The following FAM169A variants were observed in gnomAD, a reference collection of about 807,000 sequenced individuals.
The protein encoded by FAM169A is soluble lamin-associated protein of 75 kDa.
A neutral mutation model predicts 75.7 loss-of-function variants in FAM169A; 24 were observed. The observed-to-expected ratio is 0.32, with a 90% CI of 0.23 to 0.45. The LOEUF (loss-of-function observed/expected upper bound fraction) is 0.45. FAM169A is among the 20% of genes least tolerant of loss of function. The probability of loss-of-function intolerance (pLI) is 1.00; values close to 1 mark genes in which losing one functional copy is unlikely to be tolerated. For missense variants in FAM169A, 673 were observed against 784.0 expected (o/e 0.86, Z 1.69); for synonymous variants, 271 against 271.0 (o/e 1.00, Z 0.00).
At chr5:74,864,420 G>T (rs1263311630) in intron 1 of FAM169A, among the ~76,000 whole-genome samples, 1 of 152,170 alleles carries the variant, frequency 6.6e-6, no homozygotes, top group East Asian at 1.9e-4. Flanking sequence ...AGTAGAGACG[G>T]GGTTTCACCA....
chr5:74,844,861 C>T (rs1232247147), intron 1 of FAM169A, among the ~76,000 whole-genome samples: 1 of 152,108 alleles, frequency 6.6e-6, no homozygotes, highest in Non-Finnish European at 1.5e-5. Context: ...AAATCAAATA[C>T]TAAGCTATTA....
intron 1 of FAM169A, among the ~76,000 whole-genome samples, chr5:74,861,872 C>A (rs1750054614): frequency 6.6e-6 from 1 of 152,158 alleles, no homozygotes; most frequent in Non-Finnish European, 1.5e-5. Context: ...TATACTACTT[C>A]TAGTCATTTC....
intron 5 of FAM169A, among the ~76,000 whole-genome samples, chr5:74,833,191 C>T (rs1748406183): frequency 6.6e-6 from 1 of 152,076 alleles, no homozygotes. Context: ...GTATTAGAAA[C>T]AAAAAGCCTC....
At chr5:74,790,672 TC>T (rs1745928991) in intron 11 of FAM169A, among the ~76,000 whole-genome samples, 1 of 152,252 alleles carries the variant, frequency 6.6e-6, no homozygotes, top group African/African-American at 2.4e-5. Context: ...ACCCAATGGG[TC>T]CATGAACAAA....
intron 5 of FAM169A, among the ~76,000 whole-genome samples, chr5:74,817,029 T>C (rs1747505976): frequency 6.6e-6 from 1 of 152,086 alleles, no homozygotes; most frequent in South Asian, 2.1e-4. Context: ...CAACCTTTCA[T>C]GATAAAAATA....
intron 11 of FAM169A, among the ~76,000 whole-genome samples, chr5:74,786,327 G>A (rs1040631589): frequency 1.7e-4 from 26 of 152,096 alleles, no homozygotes; most frequent in Non-Finnish European, 8.8e-5. Flanking sequence ...TTGGTACCAG[G>A]AGTGGTTCTA....
At chr5:74,830,802 A>G (rs538314583) in intron 5 of FAM169A, among the ~76,000 whole-genome samples, 26 of 152,312 alleles carry the variant, frequency 1.7e-4, no homozygotes, top group Admixed American at 5.9e-4. Context: ...TCATAAAAGC[A>G]TTTGACCCAA....
At chr5:74,866,079 G>T in intron 1 of FAM169A, 86 bp downstream of exon 1, 1 of 682,086 alleles carries the variant, frequency 1.5e-6, no homozygotes, top group Non-Finnish European at 1.8e-6. Context: ...GTGTCCGCGG[G>T]TCTGGTGCTG....
chr5:74,830,071 G>A (rs181903225), intron 5 of FAM169A, among the ~76,000 whole-genome samples: 82 of 152,268 alleles, frequency 5.4e-4, no homozygotes, highest in African/African-American at 1.9e-3. Flanking sequence ...AGTAATTACT[G>A]TATCAACTTT....
In FAM169A at chr5:74,839,660, G is replaced by A. The variant is rs539829269; in HGVS notation, c.232+414C>T. On this transcript the variant is annotated intron_variant, in intron 3 of 12. Transcript: ENST00000687041. ...CTGCCTCAACCTCCAAAGTAGCTGG[G>A]ATTACAGGCATGTGCCACCACGCCC... Among the ~76,000 whole-genome samples, 209 of 151,994 alleles carry A rather than the reference G, an allele frequency of 1.4e-3. 2 individuals carry two copies. The highest frequency in any genetic ancestry group is 4.6e-3 in the African/African-American group (192 of 41,426).
intron 6 of FAM169A, among the ~76,000 whole-genome samples, chr5:74,813,526 A>G (rs947027373): frequency 2.0e-5 from 3 of 151,944 alleles, no homozygotes; most frequent in African/African-American, 7.3e-5. Flanking sequence ...GAGTTTCATC[A>G]TGTTGGCCAG....
In FAM169A at chr5:74,792,920, A is replaced by G. The variant is rs565117054; in HGVS notation, c.1260+3110T>C. On this transcript the variant is annotated intron_variant, in intron 11 of 12. Coordinates refer to ENST00000687041, the MANE Select transcript of FAM169A (RefSeq NM_001376049.1). ...CTGGCTATCTACCCAGAAAAAAAGA[A>G]GTCATATGAAAAAGACACTTGCACA... Among the ~76,000 whole-genome samples, 31 of 152,336 alleles carry G rather than the reference A, an allele frequency of 2.0e-4. No individual in the cohort carries two copies. The South Asian group carries it at 5.6e-3, about 27-fold the overall frequency.
At chr5:74,783,243 A>G (rs1745501701) in intron 11 of FAM169A, 109 bp from the exon 12 acceptor site, 1 of 705,742 alleles carries the variant, frequency 1.4e-6, no homozygotes, top group Admixed American at 2.6e-5. Context: ...ACCAAGACTC[A>G]AATTTACATT....
chr5:74,854,418 T>A (rs1429430979), intron 1 of FAM169A, among the ~76,000 whole-genome samples: 1 of 151,906 alleles, frequency 6.6e-6, no homozygotes, highest in African/African-American at 2.4e-5. Flanking sequence ...ATAATAATAA[T>A]AATCACATCC....
chr5:74,839,989 T>C (rs545783654), intron 3 of FAM169A, 85 bp downstream of exon 3: 66 of 660,390 alleles, frequency 1.0e-4, no homozygotes, highest in East Asian at 9.0e-4. Flanking sequence ...AAAAACCAAA[T>C]TCCTTCATGT....
At chr5:74,800,311 T>C (rs1201189642) in intron 10 of FAM169A, among the ~76,000 whole-genome samples, 1 of 152,170 alleles carries the variant, frequency 6.6e-6, no homozygotes, top group Non-Finnish European at 1.5e-5. Flanking sequence ...GCTTTTCTTT[T>C]AAGTAGTTTA....
At chr5:74,865,727 T>C (rs931888732) in intron 1 of FAM169A, 1 of 152,448 alleles carries the variant, frequency 6.6e-6, no homozygotes, top group African/African-American at 2.4e-5. Flanking sequence ...GAACCGAGTC[T>C]AAACGCTGAA....
chr5:74,821,839 T>C (rs1016032313), intron 5 of FAM169A, among the ~76,000 whole-genome samples: 2 of 152,152 alleles, frequency 1.3e-5, no homozygotes, highest in African/African-American at 2.4e-5. Flanking sequence ...ACAACTCTCA[T>C]AGGGCATCAG....
At chr5:74,809,593 C>T (rs1423934996) in intron 6 of FAM169A, among the ~76,000 whole-genome samples, 1 of 151,522 alleles carries the variant, frequency 6.6e-6, no homozygotes, top group African/African-American at 2.4e-5. Flanking sequence ...GAGACTACGT[C>T]TCAAAAAAAA....
Sources: allele counts gnomAD v4.1 joint callset (sites outside exome capture counted in the v4.1 genomes callset), GRCh38; gene constraint gnomAD v4.1.1; transcripts MANE v1.5; gene names NCBI Gene and HGNC (gene_info 2026-07-23, HGNC 2026-07-21).